CCDC93: variants seen among roughly 807,000 people sequenced by gnomAD.
The protein encoded by CCDC93 is coiled-coil domain-containing protein 93.
Under a neutral mutation model 108.2 loss-of-function variants are expected in CCDC93, and 61 were observed. The ratio of observed to expected loss-of-function variants is 0.56; its 90% CI spans 0.46 to 0.70. The LOEUF is 0.70. Ranked by LOEUF, CCDC93 falls within the 30% of genes least tolerant of loss-of-function variation. The probability of loss-of-function intolerance (pLI) is 0.00; values close to 1 mark genes in which losing one functional copy is unlikely to be tolerated. For missense variants in CCDC93, 685 were observed against 764.2 expected, an observed-to-expected ratio of 0.90 and a Z score of 1.22; for synonymous variants, 276 against 260.4, an observed-to-expected ratio of 1.06 and a Z score of -0.58.
intron 1 of CCDC93, among the ~76,000 whole-genome samples, chr2:118,010,383 C>T (rs1179003771): frequency 4.6e-5 from 7 of 152,058 alleles, no homozygotes; most frequent in East Asian, 1.9e-4. Context: ...ACTACCTTTC[C>T]TCTCTTCCTT....
chr2:117,928,289 C>T (rs1207905793), intron 23 of CCDC93, among the ~76,000 whole-genome samples: 2 of 152,102 alleles, frequency 1.3e-5, no homozygotes, highest in African/African-American at 4.8e-5. Context: ...AGAGCTTCTG[C>T]ACAGCAAAAT....
At chr2:117,994,595 C>T (rs1680586629) in intron 6 of CCDC93, among the ~76,000 whole-genome samples, 1 of 152,142 alleles carries the variant, frequency 6.6e-6, no homozygotes, top group South Asian at 2.1e-4. Flanking sequence ...TCTGGAAAGA[C>T]TCTGTAGGCA....
chr2:117,956,983 T>C (rs1040421987), intron 12 of CCDC93, among the ~76,000 whole-genome samples: 1 of 151,652 alleles, frequency 6.6e-6, no homozygotes, highest in Non-Finnish European at 1.5e-5. Context: ...CTCCGCCTCC[T>C]GGTTTCAAGC....
rs962106719 is a variant in CCDC93 at position 117,920,094 on chromosome 2, G to C, written c.*249C>G. ...GAGACATAAAAGTTGAATCAACAGA[G>C]AACAAGTACTCCCTATATTCTTCAT... On this transcript the variant is annotated 3_prime_UTR_variant, in exon 24 of 24. Coordinates refer to ENST00000376300, the MANE Select transcript of CCDC93 (RefSeq NM_019044.5). 3 of 376,414 alleles carry C rather than the reference G, an allele frequency of 8.0e-6. No homozygotes were observed. The highest frequency in any genetic ancestry group is 1.4e-5 in the Non-Finnish European group (3 of 207,442). The allele number at this position is 376,414 out of a possible 1,614,324, so 23.3% of individuals were successfully genotyped here. A position where few individuals can be genotyped will look rare whatever the true frequency, so the allele number is the denominator to read the frequency against.
chr2:118,004,970 T>TA (rs1307465784), intron 3 of CCDC93, among the ~76,000 whole-genome samples: 1 of 151,776 alleles, frequency 6.6e-6, no homozygotes, highest in East Asian at 1.9e-4. Context: ...CACTCTATAA[T>TA]AAAAAAAAAT....
At chr2:118,007,521 T>G (rs565803850) in intron 2 of CCDC93, among the ~76,000 whole-genome samples, 1 of 152,138 alleles carries the variant, frequency 6.6e-6, no homozygotes, top group African/African-American at 2.4e-5. Context: ...ATGCAAAAAT[T>G]AGTCGGGCAT....
intron 11 of CCDC93, among the ~76,000 whole-genome samples, chr2:117,963,261 C>T (rs982199715): frequency 1.3e-5 from 2 of 152,200 alleles, no homozygotes; most frequent in Non-Finnish European, 2.9e-5. Context: ...TCCCAATGCA[C>T]ACACCATATA....
In CCDC93 at chr2:117,996,362, A is replaced by T. The variant is rs775777300; in HGVS notation, c.364T>A (p.Trp122Arg). 14 of 1,607,896 alleles carry T rather than the reference A, an allele frequency of 8.7e-6. No homozygotes were observed. Among genetic ancestry groups the T allele is most frequent in the Non-Finnish European group, 6.0e-6 (7 of 1,174,504 alleles). Residue 122 changes from tryptophan to arginine, a missense_variant and splice_region_variant, in exon 5 of 24, where the codon TGG (tryptophan) becomes AGG (arginine). Trp to Arg is a moderately radical substitution (Grantham distance 101). Coordinates refer to ENST00000376300, the MANE Select transcript of CCDC93 (RefSeq NM_019044.5). ...DFIHIFPVVQ[W>R]LVKRAIETKE... ...GTTTCTATAGCTCGTTTCACCAGCC[A>T]CTGGGGAAGAAAGTGAAAAGACAAG...
chr2:117,993,719 T>C (rs1680557959), intron 6 of CCDC93, among the ~76,000 whole-genome samples: 1 of 152,164 alleles, frequency 6.6e-6, no homozygotes. Flanking sequence ...TTAGCAGGAA[T>C]CTTTGTTGTG....
chr2:117,933,279 A>C (rs1477273155), intron 22 of CCDC93, among the ~76,000 whole-genome samples: 4 of 152,164 alleles, frequency 2.6e-5, no homozygotes, highest in Non-Finnish European at 5.9e-5. Flanking sequence ...TTTCTTCTCA[A>C]CATTTCACAT....
At chr2:117,934,992 A>C (rs779195550) in intron 22 of CCDC93, 1 of 152,248 alleles carries the variant, frequency 6.6e-6, no homozygotes, top group East Asian at 1.9e-4. Flanking sequence ...TTTCCTCTCA[A>C]TTTGGCAGAA....
rs946634523 is a variant in CCDC93 at position 117,938,968 on chromosome 2, C to T, written c.1605+61G>A. ...TGTCCCAAACATCAAGTTCATTTGACTTCCTGGAGTCAACTGCACTGTTAG... is the reference window on the plus strand; with the variant it reads ...TGTCCCAAACATCAAGTTCATTTGATTTCCTGGAGTCAACTGCACTGTTAG... On this transcript the variant is annotated intron_variant, in intron 20 of 23. Transcript: ENST00000376300. 6.9e-6 allele frequency: 6 copies of T among 871,710 alleles called. No individual in the cohort carries two copies. In the African/African-American group the frequency reaches 1.0e-4, roughly 15 times the overall value. The allele number at this position is 871,710 out of a possible 1,614,324, so 54.0% of individuals were successfully genotyped here. A position where few individuals can be genotyped will look rare whatever the true frequency, so the allele number is the denominator to read the frequency against.
chr2:117,976,311 T>A (rs939297295), intron 8 of CCDC93, among the ~76,000 whole-genome samples: 4 of 152,142 alleles, frequency 2.6e-5, no homozygotes, highest in African/African-American at 4.8e-5. Flanking sequence ...CAGTCATATA[T>A]AAAGACAATC....
intron 18 of CCDC93, among the ~76,000 whole-genome samples, chr2:117,943,734 A>T (rs1454574993): frequency 6.6e-6 from 1 of 152,250 alleles, no homozygotes; most frequent in African/African-American, 2.4e-5. Context: ...TTATCCAAAC[A>T]AACAAGCCAA....
chr2:117,939,714 G>A (rs559177854), intron 19 of CCDC93, among the ~76,000 whole-genome samples: 24 of 152,270 alleles, frequency 1.6e-4, no homozygotes, highest in East Asian at 1.4e-3. Flanking sequence ...TAGTGGGGCC[G>A]GGCACATGAA....
chr2:117,996,679 T>A (rs369205699), intron 4 of CCDC93: 2 of 205,408 alleles, frequency 9.7e-6, no homozygotes, highest in South Asian at 2.0e-4. Context: ...TGGGAGTAAA[T>A]GAAATCACAA....
At chr2:117,967,506 G>A (rs544877274) in intron 11 of CCDC93, among the ~76,000 whole-genome samples, 1 of 152,328 alleles carries the variant, frequency 6.6e-6, no homozygotes, top group African/African-American at 2.4e-5. Context: ...ATAGCCCAAG[G>A]TAGGCAGTTG....
chr2:117,992,687 T>C (rs1488729332), intron 6 of CCDC93, among the ~76,000 whole-genome samples: 1 of 152,086 alleles, frequency 6.6e-6, no homozygotes, highest in Non-Finnish European at 1.5e-5. Flanking sequence ...ATATATAACC[T>C]ACCTGTGTTT....
chr2:117,978,929 A>T (rs1394066126), intron 7 of CCDC93, among the ~76,000 whole-genome samples: 2 of 152,148 alleles, frequency 1.3e-5, no homozygotes, highest in Non-Finnish European at 2.9e-5. Flanking sequence ...AATCACTTGA[A>T]CCCAGGAGGC....
Sources: gnomAD v4.1 joint callset for allele counts (sites outside exome capture counted in the v4.1 genomes callset) on GRCh38, gnomAD v4.1.1 for gene constraint, MANE v1.5 for transcripts, NCBI Gene and HGNC (gene_info 2026-07-23, HGNC 2026-07-21) for gene names.